RPS6KA2: variants seen among roughly 807,000 people sequenced by gnomAD.
The protein encoded by RPS6KA2 is ribosomal protein S6 kinase A2, also known as ribosomal protein S6 kinase alpha-2.
A neutral mutation model predicts 91.8 loss-of-function variants in RPS6KA2; 42 were observed. That is an observed-to-expected ratio of 0.46 (90% CI 0.36 to 0.59). RPS6KA2 has a LOEUF of 0.59. Among genes scored for constraint, RPS6KA2 ranks in the 20% least tolerant of loss-of-function variants. The pLI is 0.00. For missense variants in RPS6KA2, 798 were observed against 978.5 expected (o/e 0.82, Z 2.46); for synonymous variants, 414 against 393.6 (o/e 1.05, Z -0.61).
Position 166,480,505 on chromosome 6 carries a change from ATATATATAT to A in RPS6KA2, c.907+8319_907+8327del, listed in dbSNP as rs1562523914. Among the ~76,000 whole-genome samples, 309 of 95,562 alleles carry A rather than the reference ATATATATAT, an allele frequency of 3.2e-3. 11 individuals carry two copies. The highest frequency in any genetic ancestry group is 0.011 in the African/African-American group (297 of 27,678). The allele number at this position is 95,562 out of a possible 152,430, so 62.7% of individuals were successfully genotyped here. On this transcript the variant is annotated intron_variant, in intron 10 of 20. Coordinates refer to ENST00000265678, the MANE Select transcript of RPS6KA2 (RefSeq NM_021135.6). ...TATATATATATATATATATATATAT[ATATATATAT>A]AATATATTTTTTTTTTTTGAGAGAG...
intron 2 of RPS6KA2, among the ~76,000 whole-genome samples, chr6:166,657,406 A>G (rs1431375890): frequency 2.6e-5 from 4 of 152,240 alleles, no homozygotes; most frequent in African/African-American, 4.8e-5. Context: ...TTCAACGACA[A>G]AAATGAAAGT....
chr6:166,588,034 G>A (rs1011515043), intron 1 of RPS6KA2, among the ~76,000 whole-genome samples: 11 of 152,218 alleles, frequency 7.2e-5, no homozygotes, highest in Non-Finnish European at 1.6e-4. Flanking sequence ...AGACCCCAGT[G>A]ATGGTTAGAG....
intron 1 of RPS6KA2, among the ~76,000 whole-genome samples, chr6:166,622,999 A>T (rs1343254629): frequency 6.6e-6 from 1 of 152,266 alleles, no homozygotes; most frequent in Non-Finnish European, 1.5e-5. Context: ...TTGAGCAAAT[A>T]GATAAATAAA....
chr6:166,710,504 GT>G (rs1789813065), intron 2 of RPS6KA2, among the ~76,000 whole-genome samples: 18 of 151,076 alleles, frequency 1.2e-4, no homozygotes, highest in Non-Finnish European at 2.5e-4. Context: ...GTGTGTGTGT[GT>G]GTGTGGTGTG....
chr6:166,717,899 G>A (rs1481342657), intron 2 of RPS6KA2, among the ~76,000 whole-genome samples: 1 of 150,974 alleles, frequency 6.6e-6, no homozygotes, highest in Non-Finnish European at 1.5e-5. Context: ...GCCCAGGCTG[G>A]AGTGCAATGG....
chr6:166,454,828 TA>T (rs898137096), intron 12 of RPS6KA2, among the ~76,000 whole-genome samples: 2 of 151,176 alleles, frequency 1.3e-5, no homozygotes, highest in African/African-American at 4.8e-5. Flanking sequence ...AGACATTACT[TA>T]AAAAATTAAA....
chr6:166,539,645 GAA>G (rs1269019430), intron 1 of RPS6KA2, among the ~76,000 whole-genome samples: 4 of 152,240 alleles, frequency 2.6e-5, no homozygotes, highest in African/African-American at 4.8e-5. Context: ...CCCTGTAGGA[GAA>G]AGAGTCTATA....
rs1562475320 is a variant in RPS6KA2, at chr6:166,412,697, C to T, written c.*65G>A. ...GTCACTCTGGGTGCCAGACGGGCTC[C>T]GAGGCCGGGGTCTGTGAGCCCACGA... is the stretch of plus-strand genomic sequence containing the variant. On this transcript the variant is annotated 3_prime_UTR_variant, in exon 21 of 21. Coordinates refer to ENST00000265678, the MANE Select transcript of RPS6KA2 (RefSeq NM_021135.6). The surrounding 1 kb of genome is among the most constrained non-coding windows in gnomAD (Gnocchi z 4.3). The T allele has an allele frequency of 1.1e-5, 16 of 1,487,096 alleles. No homozygotes were observed. Among genetic ancestry groups the T allele is most frequent in the African/African-American group, 1.4e-5 (1 of 72,458 alleles). 92.1% of individuals were successfully genotyped at this position (1,487,096 alleles called of 1,614,324 possible). A position where few individuals can be genotyped will look rare whatever the true frequency, so the allele number is the denominator to read the frequency against.
intron 19 of RPS6KA2, among the ~76,000 whole-genome samples, chr6:166,417,167 A>G (rs1270910911): frequency 1.3e-5 from 2 of 152,228 alleles, no homozygotes; most frequent in Non-Finnish European, 2.9e-5. Context: ...GACAAGGCCA[A>G]ATTCAAAGTA....
chr6:166,717,412 G>A (rs1790043009), intron 2 of RPS6KA2, among the ~76,000 whole-genome samples: 1 of 152,182 alleles, frequency 6.6e-6, no homozygotes, highest in Admixed American at 6.5e-5. Flanking sequence ...GGCTGGCGCT[G>A]GGCACACACT....
intron 3 of RPS6KA2, among the ~76,000 whole-genome samples, chr6:166,521,707 T>C (rs2187911): frequency 0.62 from 93,660 of 151,970 alleles, 29,470 homozygotes; most frequent in African/African-American, 0.74. Context: ...ACCATATGAT[T>C]TGGATGAGAT....
chr6:166,489,460 A>C (rs767719578), intron 9 of RPS6KA2, among the ~76,000 whole-genome samples: 3 of 152,222 alleles, frequency 2.0e-5, no homozygotes, highest in Admixed American at 6.5e-5. Flanking sequence ...GGACCACCGG[A>C]GTCCTCAGAG....
intron 2 of RPS6KA2, among the ~76,000 whole-genome samples, chr6:166,795,509 A>G (rs2128615826): frequency 6.6e-6 from 1 of 152,334 alleles, no homozygotes; most frequent in Admixed American, 6.5e-5. Flanking sequence ...AGCCGATCGC[A>G]GCTCTGCATC....
intron 2 of RPS6KA2, among the ~76,000 whole-genome samples, chr6:166,696,606 C>T (rs535194125): frequency 4.1e-4 from 63 of 152,140 alleles, no homozygotes; most frequent in Non-Finnish European, 6.8e-4. Context: ...CAGGGCTGCA[C>T]GGTGCCCAGA....
At chr6:166,571,871 T>A (rs1784698939) in intron 1 of RPS6KA2, among the ~76,000 whole-genome samples, 1 of 152,142 alleles carries the variant, frequency 6.6e-6, no homozygotes, top group Non-Finnish European at 1.5e-5. Flanking sequence ...TTTTTAGAAT[T>A]TTTGGAAAAA....
chr6:166,700,864 C>T (rs994540475), intron 2 of RPS6KA2, among the ~76,000 whole-genome samples: 4 of 152,198 alleles, frequency 2.6e-5, no homozygotes, highest in Admixed American at 2.6e-4. Context: ...CCCCCTCTGC[C>T]ACCCTTTTTT....
chr6:166,551,433 G>T (rs904786648), intron 1 of RPS6KA2, among the ~76,000 whole-genome samples: 3 of 152,202 alleles, frequency 2.0e-5, no homozygotes, highest in African/African-American at 4.8e-5. Flanking sequence ...GGCAGCCCCT[G>T]CTCTGTGTGC....
intron 3 of RPS6KA2, among the ~76,000 whole-genome samples, chr6:166,521,248 C>A (rs988881300): frequency 1.6e-4 from 25 of 152,336 alleles, no homozygotes; most frequent in Middle Eastern, 3.4e-3. Flanking sequence ...TAGGGCCATC[C>A]AACTACACTG....
At chr6:166,588,562 C>T (rs1023721811) in intron 1 of RPS6KA2, among the ~76,000 whole-genome samples, 1 of 152,180 alleles carries the variant, frequency 6.6e-6, no homozygotes, top group African/African-American at 2.4e-5. Context: ...GGAAATTCTG[C>T]CTGTCCCCAA....
Sources: gnomAD v4.1 joint callset for allele counts (sites outside exome capture counted in the v4.1 genomes callset) on GRCh38, gnomAD v4.1.1 for gene constraint, Gnocchi (gnomAD v3.1) non-coding constraint, MANE v1.5 for transcripts, NCBI Gene and HGNC (gene_info 2026-07-23, HGNC 2026-07-21) for gene names.